The following KCNA3 variants were observed in gnomAD, a reference collection of about 807,000 sequenced individuals.
KCNA3 encodes potassium voltage-gated channel subfamily A member 3, also known as RP11-284N8.3.
KCNA3 carries 18 observed loss-of-function variants against 34.3 expected under a neutral mutation model. The observed-to-expected ratio is 0.52, with a 90% CI of 0.36 to 0.78. The LOEUF is 0.78. KCNA3 is among the 30% of genes least tolerant of loss of function. KCNA3 has a pLI of 0.00. For synonymous variants in KCNA3, 324 were observed against 351.7 expected, an observed-to-expected ratio of 0.92 and a Z score of 0.88; for missense variants, 587 against 802.5, an observed-to-expected ratio of 0.73 and a Z score of 3.24.
downstream of KCNA3, among the ~76,000 whole-genome samples, chr1:110,671,708 C>A (rs1359303674): frequency 2.1e-4 from 32 of 151,880 alleles, no homozygotes; most frequent in Admixed American, 2.1e-3. Context: ...CCTGAAGGTC[C>A]CTTGTAGTAA....
chr1:110,661,356 C>T, the KCNA3 span, among the ~76,000 whole-genome samples: 24 of 152,272 alleles, frequency 1.6e-4, no homozygotes, highest in East Asian at 3.1e-3. Context: ...ACCTTGATCT[C>T]GCAGACAGAT....
chr1:110,657,712 T>C, the KCNA3 span, among the ~76,000 whole-genome samples: 1 of 152,226 alleles, frequency 6.6e-6, no homozygotes, highest in East Asian at 1.9e-4. Context: ...AGTTGTTTCA[T>C]TCGTGTTTTA....
At chr1:110,660,005 G>A in the KCNA3 span, among the ~76,000 whole-genome samples, 8 of 152,016 alleles carry the variant, frequency 5.3e-5, no homozygotes, top group Non-Finnish European at 4.4e-5. Context: ...GATGGGTGCA[G>A]CAAACCAACA....
At chr1:110,664,386 A>G in the KCNA3 span, among the ~76,000 whole-genome samples, 1 of 152,188 alleles carries the variant, frequency 6.6e-6, no homozygotes, top group Non-Finnish European at 1.5e-5. Flanking sequence ...ACATTAAAGG[A>G]TTGCATCCCC....
chr1:110,664,771 C>T, the KCNA3 span, among the ~76,000 whole-genome samples: 1 of 152,102 alleles, frequency 6.6e-6, no homozygotes, highest in Non-Finnish European at 1.5e-5. Context: ...ATACCTAATA[C>T]ATTAGAGGGA....
At chr1:110,670,869 A>T (rs899840220), downstream of KCNA3, among the ~76,000 whole-genome samples, 1 of 152,136 alleles carries the variant, frequency 6.6e-6, no homozygotes, top group Non-Finnish European at 1.5e-5. Flanking sequence ...TGCATTATAA[A>T]TGTACTCCTA....
downstream of KCNA3, among the ~76,000 whole-genome samples, chr1:110,669,039 C>T (rs969654085): frequency 1.3e-5 from 2 of 152,242 alleles, no homozygotes; most frequent in Non-Finnish European, 2.9e-5. Context: ...TTCTTTAGAG[C>T]ACAGATGCCC....
At chr1:110,659,962 G>A in the KCNA3 span, among the ~76,000 whole-genome samples, 24 of 152,026 alleles carry the variant, frequency 1.6e-4, no homozygotes, top group South Asian at 4.2e-4. Context: ...AAGGGATAGC[G>A]TTAGGAGAAA....
chr1:110,660,802 G>A, the KCNA3 span, among the ~76,000 whole-genome samples: 1 of 152,124 alleles, frequency 6.6e-6, no homozygotes, highest in Non-Finnish European at 1.5e-5. Flanking sequence ...TATTTCTTAA[G>A]AAGAGGATAA....
chr1:110,670,787 ATTTG>A (rs1178517935), downstream of KCNA3, among the ~76,000 whole-genome samples: 1 of 152,134 alleles, frequency 6.6e-6, no homozygotes, highest in Non-Finnish European at 1.5e-5. Context: ...TCTTGCCTCT[ATTTG>A]TTTGGTCTTT....
chr1:110,673,039 G>A lies in KCNA3; in HGVS notation c.*43C>T. ...GGGCATAGGCAGACCAAGGGGGCAC[G>A]TTCCACACAATACTGAGCACAGCAT... On this transcript the variant is annotated 3_prime_UTR_variant, in exon 1 of 1. Transcript: ENST00000369769. The surrounding 1 kb of genome is among the most constrained non-coding windows in gnomAD (Gnocchi z 8.8). The A allele has an allele frequency of 4.5e-6, 7 of 1,553,680 alleles. No homozygotes were observed. Among genetic ancestry groups the A allele is most frequent in the South Asian group, 1.2e-5 (1 of 81,508 alleles).
chr1:110,674,417 G>A lies in KCNA3; in HGVS notation c.393C>T (p.Gly131=), dbSNP rs756473605. ...TLCQFPETLL[G]DPKRRMRYFD... is the part of the protein sequence containing the mutation. Reference sequence around the variant, plus strand: ...AGTACCTCATGCGCCGCTTGGGGTCGCCCAGCAGCGTCTCGGGGAACTGGC... The same window carrying A: ...AGTACCTCATGCGCCGCTTGGGGTCACCCAGCAGCGTCTCGGGGAACTGGC... The change falls in exon 1 of 1, where the codon GGC becomes GGT. Residue 131 remains glycine (G), a synonymous_variant. Transcript: ENST00000369769. This position sits in a 1 kb window ranked among gnomAD's most constrained non-coding sequence, Gnocchi z 6.4. 1 of 1,614,084 alleles carries A rather than the reference G, an allele frequency of 6.2e-7. No homozygotes were observed. The highest frequency in any genetic ancestry group is 8.5e-7 in the Non-Finnish European group (1 of 1,179,986).
chr1:110,658,122 T>C, the KCNA3 span, among the ~76,000 whole-genome samples: 1 of 152,252 alleles, frequency 6.6e-6, no homozygotes, highest in Non-Finnish European at 1.5e-5. Context: ...GAGACATTCA[T>C]TGTAGACTTT....
Position 110,673,772 on chromosome 1 carries a change from C to T in KCNA3, c.1038G>A (p.Glu346=). The change falls in exon 1 of 1, where the codon GAG becomes GAA. Residue 346 remains glutamate, a synonymous_variant. Coordinates refer to ENST00000369769, the MANE Select transcript of KCNA3 (RefSeq NM_002232.5). The surrounding 1 kb of genome is among the most constrained non-coding windows in gnomAD (Gnocchi z 8.8). ...IIPYFITLGT[E]LAERQGNGQQ... Reference sequence around the variant, plus strand: ...GTCCATTGCCCTGTCGTTCGGCCAGCTCGGTACCCAGAGTGATAAAATAAG... The same window carrying T: ...GTCCATTGCCCTGTCGTTCGGCCAGTTCGGTACCCAGAGTGATAAAATAAG... 1 of 1,614,166 alleles carries T rather than the reference C, an allele frequency of 6.2e-7. No homozygotes were observed. The highest frequency in any genetic ancestry group is 2.2e-5 in the East Asian group (1 of 44,874).
chr1:110,672,343 A>G (rs893750357), downstream of KCNA3: 2 of 152,634 alleles, frequency 1.3e-5, no homozygotes, highest in Admixed American at 6.5e-5. Flanking sequence ...ATCTGTTTCT[A>G]GACTTTGATA....
At chr1:110,657,344 G>A in the KCNA3 span, among the ~76,000 whole-genome samples, 146 of 152,222 alleles carry the variant, frequency 9.6e-4, no homozygotes, top group African/African-American at 3.4e-3. Flanking sequence ...ACCGCACCCG[G>A]CCCTGTTTTC....
the KCNA3 span, chr1:110,656,187 T>C: frequency 6.6e-6 from 1 of 152,212 alleles, no homozygotes; most frequent in Non-Finnish European, 1.5e-5. Flanking sequence ...TACATGTTTA[T>C]TAAACTACAA....
At chr1:110,669,943 C>T (rs542772854), downstream of KCNA3, among the ~76,000 whole-genome samples, 1 of 152,206 alleles carries the variant, frequency 6.6e-6, no homozygotes, top group African/African-American at 2.4e-5. Flanking sequence ...AATCTCTTAG[C>T]AAAATCTCTG....
chr1:110,674,641 G>T lies in KCNA3; in HGVS notation c.169C>A (p.Pro57Thr). ...TCCGGCTCCAGCAGGTGGTCCCCGG[G>T]CACCACGGTCATGTCGGGCGGCAGC... Reference protein sequence around the residue: ...RELPPDMTVVPGDHLLEPEVA... With the variant: ...RELPPDMTVVTGDHLLEPEVA... The change falls in exon 1 of 1, where the codon CCC (proline) becomes ACC (threonine). Residue 57 changes from proline (P) to threonine (T), a missense_variant. Pro to Thr is a conservative substitution (Grantham distance 38). Coordinates refer to ENST00000369769, the MANE Select transcript of KCNA3 (RefSeq NM_002232.5). This position sits in a 1 kb window ranked among gnomAD's most constrained non-coding sequence, Gnocchi z 6.4. 1 of 1,545,580 alleles carries T rather than the reference G, an allele frequency of 6.5e-7. No homozygotes were observed. Among genetic ancestry groups the T allele is most frequent in the South Asian group, 1.2e-5 (1 of 83,192 alleles).
Sources: gnomAD v4.1 joint callset for allele counts (sites outside exome capture counted in the v4.1 genomes callset) on GRCh38, gnomAD v4.1.1 for gene constraint, Gnocchi (gnomAD v3.1) non-coding constraint, MANE v1.5 for transcripts, NCBI Gene and HGNC (gene_info 2026-07-23, HGNC 2026-07-21) for gene names.